The following RERE variants were observed in gnomAD, a reference collection of about 807,000 sequenced individuals.
The protein encoded by RERE is arginine-glutamic acid dipeptide repeats, also known as arginine-glutamic acid dipeptide repeats protein.
In RERE, 40 loss-of-function variants were observed where a neutral mutation model predicts 146.1. That is an observed-to-expected ratio of 0.27 (90% CI 0.21 to 0.36). The LOEUF (loss-of-function observed/expected upper bound fraction) is 0.36, where lower values mean the gene tolerates loss of function less well. Among genes scored for constraint, RERE ranks in the 10% least tolerant of loss-of-function variants. The pLI, the probability that RERE is intolerant of heterozygous loss-of-function variation, is 1.00. For missense variants in RERE, 1,933 were observed against 2,138.7 expected, an observed-to-expected ratio of 0.90 and a Z score of 1.90; for synonymous variants, 1,003 against 866.0, an observed-to-expected ratio of 1.16 and a Z score of -2.78.
chr1:8,810,246 C>T (rs748711591), intron 1 of RERE, among the ~76,000 whole-genome samples: 22 of 151,458 alleles, frequency 1.5e-4, no homozygotes, highest in African/African-American at 4.4e-4. Flanking sequence ...GTCACCCATC[C>T]GCCTTGGCCT....
intron 1 of RERE, among the ~76,000 whole-genome samples, chr1:8,728,241 G>C (rs527403081): frequency 5.1e-4 from 78 of 152,304 alleles, no homozygotes; most frequent in African/African-American, 1.8e-3. Context: ...ATGTGCTAAG[G>C]AATCCAAGTA....
intron 12 of RERE, among the ~76,000 whole-genome samples, chr1:8,391,756 C>G (rs1388082748): frequency 1.3e-5 from 2 of 152,164 alleles, no homozygotes; most frequent in Admixed American, 1.3e-4. Flanking sequence ...ATTCTAGAGG[C>G]CGGGCATGGT....
intron 11 of RERE, among the ~76,000 whole-genome samples, chr1:8,459,485 T>A (rs1286267626): frequency 6.6e-6 from 1 of 152,234 alleles, no homozygotes; most frequent in Non-Finnish European, 1.5e-5. Context: ...ATGCAGTAGA[T>A]ACATTGTATC....
intron 4 of RERE, among the ~76,000 whole-genome samples, chr1:8,591,652 G>A (rs528911288): frequency 6.6e-6 from 1 of 152,214 alleles, no homozygotes; most frequent in South Asian, 2.1e-4. Context: ...AGACTTAGGA[G>A]TACTAGTTTC....
At chr1:8,580,900 T>C (rs1646356523) in intron 4 of RERE, among the ~76,000 whole-genome samples, 1 of 152,136 alleles carries the variant, frequency 6.6e-6, no homozygotes, top group Admixed American at 6.5e-5. Context: ...CATTTCACTA[T>C]GTTGCCAAGA....
chr1:8,730,041 G>A (rs1232605908), intron 1 of RERE, among the ~76,000 whole-genome samples: 3 of 152,196 alleles, frequency 2.0e-5, no homozygotes, highest in Admixed American at 1.3e-4. Flanking sequence ...TTCTTTCAAA[G>A]AGAAGATTTC....
chr1:8,507,978 A>T (rs1217567624), intron 8 of RERE, among the ~76,000 whole-genome samples: 1 of 152,138 alleles, frequency 6.6e-6, no homozygotes, highest in Non-Finnish European at 1.5e-5. Context: ...ACCTCAAGAG[A>T]TCTGCCCACC....
At chr1:8,410,538 C>A (rs1431553316) in intron 12 of RERE, among the ~76,000 whole-genome samples, 1 of 152,218 alleles carries the variant, frequency 6.6e-6, no homozygotes, top group Admixed American at 6.5e-5. Flanking sequence ...AAAAATGGAA[C>A]TGTTCAAAAC....
At chr1:8,463,544 G>C (rs2124117641) in intron 11 of RERE, among the ~76,000 whole-genome samples, 1 of 152,346 alleles carries the variant, frequency 6.6e-6, no homozygotes, top group Admixed American at 6.5e-5. Context: ...AGCAGGCGCT[G>C]CAGGAAAAGG....
In RERE at chr1:8,691,248, T is replaced by C. The variant is rs181443128; in HGVS notation, c.-144-34807A>G. Among the ~76,000 whole-genome samples, 162 of 152,306 alleles carry C rather than the reference T, an allele frequency of 1.1e-3. 1 individual carries two copies. Among genetic ancestry groups the C allele is most frequent in the African/African-American group, 1.8e-3 (75 of 41,564 alleles). On this transcript the variant is annotated intron_variant, in intron 1 of 22. Transcript: ENST00000400908. ...AAAGGAAACTTGATGAGTTACAGGATTCTAAATCTGTAAGTTAGAAAACAA... is the reference window on the plus strand; with the variant it reads ...AAAGGAAACTTGATGAGTTACAGGACTCTAAATCTGTAAGTTAGAAAACAA...
intron 2 of RERE, among the ~76,000 whole-genome samples, chr1:8,631,287 C>T (rs560817629): frequency 1.3e-5 from 2 of 152,320 alleles, no homozygotes; most frequent in African/African-American, 2.4e-5. Flanking sequence ...GTAATTCCAG[C>T]ACTTTGGGAG....
At chr1:8,656,488 C>G in intron 1 of RERE, 47 bp from the exon 2 acceptor site, 2 of 724,554 alleles carry the variant, frequency 2.8e-6, no homozygotes, top group Non-Finnish European at 4.3e-6. Context: ...ATATTTGTTT[C>G]CTAAAATAAT....
chr1:8,802,851 T>C (rs931020879), intron 1 of RERE, among the ~76,000 whole-genome samples: 14 of 152,170 alleles, frequency 9.2e-5, no homozygotes, highest in African/African-American at 3.1e-4. Context: ...TTAGTATGCA[T>C]TCATTTGAAT....
chr1:8,768,099 G>C (rs1033131711), intron 1 of RERE, among the ~76,000 whole-genome samples: 4 of 152,214 alleles, frequency 2.6e-5, no homozygotes, highest in African/African-American at 7.2e-5. Flanking sequence ...AAAAGGCCAT[G>C]ACTTCATGAG....
chr1:8,419,475 C>T (rs369051848), intron 12 of RERE, among the ~76,000 whole-genome samples: 3 of 152,174 alleles, frequency 2.0e-5, no homozygotes, highest in East Asian at 1.9e-4. Flanking sequence ...AGCTTCAAGA[C>T]GGACGTTGTT....
At chr1:8,384,361 G>A (rs1436372303) in intron 12 of RERE, among the ~76,000 whole-genome samples, 1 of 152,166 alleles carries the variant, frequency 6.6e-6, no homozygotes, top group Non-Finnish European at 1.5e-5. Flanking sequence ...GTAAAGAGAT[G>A]TGCTGACGTG....
At chr1:8,681,697 A>T (rs555954169) in intron 1 of RERE, among the ~76,000 whole-genome samples, 2 of 152,318 alleles carry the variant, frequency 1.3e-5, no homozygotes, top group East Asian at 1.9e-4. Context: ...AGTAAATGAA[A>T]TTTATCTATA....
chr1:8,529,287 C>CTTTTTTTTTTTTTTTTT (rs34547801), intron 7 of RERE, among the ~76,000 whole-genome samples: 42 of 102,434 alleles, frequency 4.1e-4, no homozygotes, highest in African/African-American at 1.5e-3. Context: ...GTTCTCCCTT[C>CTTTTTTTTTTTTTTTTT]TTTTTTTTTT....
intron 4 of RERE, among the ~76,000 whole-genome samples, chr1:8,607,530 ATTTCTTTTTT>A (rs1646732619): frequency 1.7e-5 from 1 of 57,582 alleles, no homozygotes; most frequent in African/African-American, 6.8e-5. Context: ...TTTTATATAT[ATTTCTTTTTT>A]TTTTTTTTTT....
Sources: gnomAD v4.1 joint callset for allele counts (sites outside exome capture counted in the v4.1 genomes callset) on GRCh38, gnomAD v4.1.1 for gene constraint, MANE v1.5 for transcripts, NCBI Gene and HGNC (gene_info 2026-07-23, HGNC 2026-07-21) for gene names.